SPRY3: variants seen among roughly 807,000 people sequenced by gnomAD.
SPRY3 encodes the protein protein sprouty homolog 3.
In SPRY3, 15 loss-of-function variants were observed where a neutral mutation model predicts 20.2. That is an observed-to-expected ratio of 0.74 (90% CI 0.50 to 1.14). SPRY3 has a LOEUF of 1.14. Ranked by LOEUF, SPRY3 falls within the 50% of genes most tolerant of loss-of-function variation. The pLI is 0.00. For missense variants in SPRY3, 364 were observed against 363.9 expected, an observed-to-expected ratio of 1.00 and a Z score of 0.00; for synonymous variants, 143 against 136.5, an observed-to-expected ratio of 1.05 and a Z score of -0.33.
intron 2 of SPRY3, among the ~76,000 whole-genome samples, chrX:155,709,499 T>A (rs1258719074): frequency 6.6e-6 from 1 of 151,682 alleles, no homozygotes; most frequent in Non-Finnish European, 1.5e-5. Context: ...TGCCCATTTT[T>A]AAATCAGATT....
intron 2 of SPRY3, among the ~76,000 whole-genome samples, chrX:155,737,043 T>G (rs1255675142): frequency 2.6e-5 from 4 of 152,188 alleles, no homozygotes; most frequent in Non-Finnish European, 4.4e-5. Context: ...TTATTTGCTT[T>G]TGATTCTTTC....
chrX:155,766,782 C>T (rs1050841750), intron 2 of SPRY3, among the ~76,000 whole-genome samples: 20 of 152,074 alleles, frequency 1.3e-4, no homozygotes, highest in South Asian at 1.3e-3. Flanking sequence ...GGCAGGAATC[C>T]ACAACACCTA....
At chrX:155,732,449 A>T (rs1447877891) in intron 2 of SPRY3, among the ~76,000 whole-genome samples, 3 of 152,068 alleles carry the variant, frequency 2.0e-5, no homozygotes, top group Non-Finnish European at 2.9e-5. Context: ...CAAAACTACA[A>T]TGAGATATCT....
chrX:155,774,144 C>T (rs1914239269), exon 4 of SPRY3: 1 of 1,613,904 alleles, frequency 6.2e-7, no homozygotes, highest in African/African-American at 1.3e-5. Context: ...TGTCCCATAG[C>T]ACCACTGCCT....
chrX:155,768,081 C>T (rs1456183756), exon 3 of SPRY3: 2 of 152,094 alleles, frequency 1.3e-5, no homozygotes, highest in Non-Finnish European at 2.9e-5. Flanking sequence ...TCCTTTGAGC[C>T]AGATGGGGCA....
intron 2 of SPRY3, among the ~76,000 whole-genome samples, chrX:155,715,416 C>A (rs1421178038): frequency 6.6e-6 from 1 of 152,028 alleles, no homozygotes; most frequent in Non-Finnish European, 1.5e-5. Flanking sequence ...CTGCCTGGTG[C>A]CTTATCTTGA....
chrX:155,681,971 G>C lies in SPRY3; in HGVS notation c.-282+24946G>C, dbSNP rs147170124. On this transcript the variant is annotated intron_variant, in intron 2 of 3. Coordinates refer to ENST00000675360, the Ensembl canonical transcript of SPRY3. ...GATCTAGCTCAGAAAACTGATAAAA[G>C]TGGTTACACTAAGCAATAGATTTTC... is the stretch of plus-strand genomic sequence containing the variant. 5.3e-5 allele frequency among the ~76,000 whole-genome samples: 6 copies of C among 112,762 alleles called. No homozygotes were observed. In the East Asian group the frequency reaches 1.7e-3, roughly 31 times the overall value.
At chrX:155,741,150 G>C (rs1259930901) in intron 2 of SPRY3, among the ~76,000 whole-genome samples, 2 of 152,072 alleles carry the variant, frequency 1.3e-5, no homozygotes, top group Non-Finnish European at 2.9e-5. Flanking sequence ...GTTAAGAGAG[G>C]AGCATAAATG....
At chrX:155,626,758 T>C (rs1325678021) in intron 1 of SPRY3, among the ~76,000 whole-genome samples, 3 of 111,856 alleles carry the variant, frequency 2.7e-5, no homozygotes, top group Non-Finnish European at 3.8e-5. Flanking sequence ...TTCATTCTTT[T>C]ATACTGTCGG....
chrX:155,690,200 A>C (rs1194642235), intron 2 of SPRY3, among the ~76,000 whole-genome samples: 3 of 88,829 alleles, frequency 3.4e-5, no homozygotes, highest in Non-Finnish European at 6.4e-5. Context: ...TTATGATTTC[A>C]CTTCTTTTGC....
chrX:155,642,622 C>T (rs1569562438), intron 1 of SPRY3, among the ~76,000 whole-genome samples: 1 of 111,444 alleles, frequency 9.0e-6, no homozygotes, highest in Non-Finnish European at 1.9e-5. Flanking sequence ...TAGCTATAAA[C>T]TTCCCACTTA....
At chrX:155,620,026 G>C (rs782690188) in intron 1 of SPRY3, among the ~76,000 whole-genome samples, 2 of 111,839 alleles carry the variant, frequency 1.8e-5, no homozygotes, top group Non-Finnish European at 3.8e-5. Flanking sequence ...AAAAAAGAAT[G>C]ATACTACCAA....
exon 4 of SPRY3, chrX:155,774,983 G>A (rs1464442618): frequency 1.0e-5 from 6 of 584,004 alleles, no homozygotes; most frequent in African/African-American, 9.3e-5. Flanking sequence ...TGGTTGTCAT[G>A]GCAAATTCAG....
At chrX:155,669,287 TAA>T (rs1206884091) in intron 2 of SPRY3, among the ~76,000 whole-genome samples, 1 of 111,486 alleles carries the variant, frequency 9.0e-6, no homozygotes, top group Non-Finnish European at 1.9e-5. Context: ...TTATATTACT[TAA>T]GTGTATTTTA....
chrX:155,622,136 C>G (rs1346518489), intron 1 of SPRY3, among the ~76,000 whole-genome samples: 1 of 112,129 alleles, frequency 8.9e-6, no homozygotes, highest in Non-Finnish European at 1.9e-5. Context: ...TCACTCTGCA[C>G]TTTTCACACT....
intron 2 of SPRY3, among the ~76,000 whole-genome samples, chrX:155,671,758 T>A (rs1262317928): frequency 4.5e-5 from 5 of 111,310 alleles, no homozygotes; most frequent in Non-Finnish European, 9.4e-5. Flanking sequence ...TAGGTTTTCT[T>A]CTAGGGTTTT....
intron 2 of SPRY3, among the ~76,000 whole-genome samples, chrX:155,723,229 T>G (rs2091073391): frequency 1.3e-5 from 2 of 152,128 alleles, no homozygotes; most frequent in Non-Finnish European, 1.5e-5. Flanking sequence ...TGTGAATAGT[T>G]CCGCAATAAA....
chrX:155,730,936 C>T (rs531085974), intron 2 of SPRY3, among the ~76,000 whole-genome samples: 3 of 151,260 alleles, frequency 2.0e-5, no homozygotes, highest in Admixed American at 6.6e-5. Flanking sequence ...AAATCAAATA[C>T]GTGAGATTTA....
At chrX:155,720,078 T>C (rs1342750864) in intron 2 of SPRY3, among the ~76,000 whole-genome samples, 1 of 152,014 alleles carries the variant, frequency 6.6e-6, no homozygotes, top group Non-Finnish European at 1.5e-5. Context: ...CCCTGCAGGG[T>C]AAGTCCCAGA....
Sources: allele counts gnomAD v4.1 joint callset (sites outside exome capture counted in the v4.1 genomes callset), GRCh38; gene constraint gnomAD v4.1.1; transcripts MANE v1.5; gene names NCBI Gene and HGNC (gene_info 2026-07-23, HGNC 2026-07-21).